The following ZNF211 variants were observed in gnomAD, a reference collection of about 807,000 sequenced individuals.
ZNF211 encodes zinc finger protein C2H2-25.
Under a neutral mutation model 12.1 loss-of-function variants are expected in ZNF211, and 18 were observed. The ratio of observed to expected loss-of-function variants is 1.48; its 90% CI spans 1.03 to 2.20. ZNF211 has a LOEUF of 2.20. Ranked by LOEUF, ZNF211 falls within the 30% of genes most tolerant of loss-of-function variation. ZNF211 has a pLI of 0.00. For synonymous variants in ZNF211, 249 were observed against 246.0 expected (o/e 1.01, Z -0.11); for missense variants, 677 against 703.1 (o/e 0.96, Z 0.42).
rs756569716 is a variant in ZNF211 at position 57,640,785 on chromosome 19, C to T, written c.338C>T (p.Ser113Phe). 1.9e-6 allele frequency: 3 copies of T among 1,614,144 alleles called. No individual in the cohort carries two copies. Among genetic ancestry groups the T allele is most frequent in the Non-Finnish European group, 2.5e-6 (3 of 1,180,012 alleles). Residue 113 changes from serine to phenylalanine, a missense_variant, in exon 4 of 4, where the codon TCC becomes TTC. Ser to Phe is a radical substitution (Grantham distance 155, BLOSUM62 -2). Transcript: ENST00000240731. ...SGERVPQFRT[S>F]KEGSSSQNAD... ...GAAAGAGTGCCACAGTTCAGGACTT[C>T]CAAAGAAGGTTCATCTTCCCAGAAT... is the stretch of plus-strand genomic sequence containing the variant.
Position 57,641,026 on chromosome 19 carries a change from G to A in ZNF211, c.579G>A (p.Val193=). ...TTACACAGAGTTGCATAGTCCATGT[G>A]TCGGAGAAACCCTTTACCTGCAGGG... The part of the protein sequence containing the change: ...ASFTQSCIVH[V]SEKPFTCREI... Residue 193 remains valine, a synonymous_variant, in exon 4 of 4, where the codon GTG becomes GTA. Coordinates refer to ENST00000240731, the MANE Select transcript of ZNF211 (RefSeq NM_006385.5). 1 of 1,614,208 alleles carries A rather than the reference G, an allele frequency of 6.2e-7. No individual in the cohort carries two copies. Among genetic ancestry groups the A allele is most frequent in the Non-Finnish European group, 8.5e-7 (1 of 1,180,046 alleles).
intron 3 of ZNF211, among the ~76,000 whole-genome samples, chr19:57,637,969 G>A (rs1258176997): frequency 4.0e-5 from 6 of 150,696 alleles, no homozygotes; most frequent in African/African-American, 7.3e-5. Flanking sequence ...TGTGATCTTG[G>A]CTCACTGCAA....
Position 57,642,121 on chromosome 19 carries a change from C to A in ZNF211, c.1674C>A (p.Ser558=). 1.2e-6 allele frequency: 2 copies of A among 1,613,950 alleles called. No homozygotes were observed. The highest frequency in any genetic ancestry group is 1.7e-6 in the Non-Finnish European group (2 of 1,179,848). The change falls in exon 4 of 4, where the codon TCC becomes TCA. Residue 558 remains serine (S), a synonymous_variant. Transcript: ENST00000240731. Reference sequence around the variant, plus strand: ...ATCAGTGCAGTCAATGTGGGAAATCCTTTGGCTGCAAATCTGTCCTCATTC... The same window carrying A: ...ATCAGTGCAGTCAATGTGGGAAATCATTTGGCTGCAAATCTGTCCTCATTC... The part of the protein sequence containing the change: ...RPYQCSQCGK[S]FGCKSVLIQH...
chr19:57,634,855 C>T (rs1219072603), intron 3 of ZNF211, 100 bp downstream of exon 3: 1 of 1,344,654 alleles, frequency 7.4e-7, no homozygotes. Context: ...ATAGGCACTG[C>T]CTCCTTCCCC....
At chr19:57,634,183 T>G (rs1981847615) in intron 2 of ZNF211, 122 bp downstream of exon 2, 1 of 1,151,162 alleles carries the variant, frequency 8.7e-7, no homozygotes, top group African/African-American at 1.6e-5. Context: ...GCGTTTGGTT[T>G]GGGAACCCTG....
intron 3 of ZNF211, among the ~76,000 whole-genome samples, chr19:57,638,894 A>G (rs1024331394): frequency 3.9e-5 from 6 of 152,186 alleles, no homozygotes; most frequent in Non-Finnish European, 7.3e-5. Flanking sequence ...TATTAGGTGC[A>G]TAAGTGTTTA....
chr19:57,641,223 A>G lies in ZNF211; in HGVS notation c.776A>G (p.Gln259Arg), dbSNP rs1982874572. The change falls in exon 4 of 4, where the codon CAG (glutamine) becomes CGG (arginine). Residue 259 changes from glutamine to arginine, a missense_variant. Gln to Arg is a conservative substitution (Grantham distance 43, BLOSUM62 1). Transcript: ENST00000240731. ...KAFSHIDTLV[Q>R]DQRILTREGL... The stretch of plus-strand genomic sequence containing the variant: ...TTTAGCCACATAGACACACTTGTTC[A>G]GGACCAGAGAATCCTCACTAGAGAA... The G allele has an allele frequency of 1.2e-6, 2 of 1,614,142 alleles. No homozygotes were observed. Among genetic ancestry groups the G allele is most frequent in the African/African-American group, 1.3e-5 (1 of 74,948 alleles).
At chr19:57,633,619 G>C in intron 1 of ZNF211, 183 bp downstream of exon 1, 1 of 1,532,364 alleles carries the variant, frequency 6.5e-7, no homozygotes. Context: ...TGCAGGGCTT[G>C]GACGGGCAAC....
chr19:57,637,650 A>G (rs1599959614), intron 3 of ZNF211, among the ~76,000 whole-genome samples: 2 of 152,114 alleles, frequency 1.3e-5, no homozygotes, highest in South Asian at 4.1e-4. Context: ...TCAGTTTGCT[A>G]GTGTTTGGTT....
chr19:57,634,736 T>C lies in ZNF211; in HGVS notation c.237T>C (p.Phe79=), dbSNP rs1380759139. Residue 79 remains phenylalanine, a synonymous_variant, in exon 3 of 4, where the codon TTT becomes TTC. Transcript: ENST00000240731. ...HLYFDVMLEN[F]ALTSSLGCWC... ...ACTTCGATGTGATGCTGGAGAACTTTGCACTTACGTCCTCCCTGGGTAAGG... is the reference window on the plus strand; with the variant it reads ...ACTTCGATGTGATGCTGGAGAACTTCGCACTTACGTCCTCCCTGGGTAAGG... 1.2e-6 allele frequency: 2 copies of C among 1,602,186 alleles called. No homozygotes were observed. Among genetic ancestry groups the C allele is most frequent in the Non-Finnish European group, 1.7e-6 (2 of 1,173,424 alleles).
In ZNF211 at chr19:57,641,754, G is replaced by A; in HGVS notation, c.1307G>A (p.Arg436Lys). Reference sequence around the variant, plus strand: ...CACCGGAGACTTCACACTGGAGAAAGACCCTATGAGTGCAGTAAATGTGGG... The same window carrying A: ...CACCGGAGACTTCACACTGGAGAAAAACCCTATGAGTGCAGTAAATGTGGG... ...IHHRRLHTGE[R>K]PYECSKCGKS... Residue 436 changes from arginine (R) to lysine (K), a missense_variant, in exon 4 of 4, where the codon AGA (arginine) becomes AAA (lysine). Coordinates refer to ENST00000240731, the MANE Select transcript of ZNF211 (RefSeq NM_006385.5). The A allele has an allele frequency of 6.2e-7, 1 of 1,614,126 alleles. No homozygotes were observed. Among genetic ancestry groups the A allele is most frequent in the East Asian group, 2.2e-5 (1 of 44,864 alleles).
In ZNF211 at chr19:57,641,473, T is replaced by C. The variant is rs1982930735; in HGVS notation, c.1026T>C (p.Asn342=). The C allele has an allele frequency of 5.0e-6, 8 of 1,610,916 alleles. No individual in the cohort carries two copies. The highest frequency in any genetic ancestry group is 6.8e-6 in the Non-Finnish European group (8 of 1,177,888). Residue 342 remains asparagine, a synonymous_variant, in exon 4 of 4, where the codon AAT becomes AAC. Coordinates refer to ENST00000240731, the MANE Select transcript of ZNF211 (RefSeq NM_006385.5). ...GKSFSQIYSL[N]SHRKVHTGER... ...CGTTTAGTCAGATATACAGCCTCAA[T>C]AGCCATAGGAAAGTTCACACTGGAG...
At chr19:57,640,135 T>C (rs957458751) in intron 3 of ZNF211, 2 of 1,462,658 alleles carry the variant, frequency 1.4e-6, no homozygotes, top group African/African-American at 2.8e-5. Context: ...CCAGAGACAC[T>C]TCACTTCGAC....
Position 57,641,316 on chromosome 19 carries a change from A to C in ZNF211, c.869A>C (p.Lys290Thr). The C allele has an allele frequency of 1.2e-6, 2 of 1,614,200 alleles. No individual in the cohort carries two copies. Among genetic ancestry groups the C allele is most frequent in the Non-Finnish European group, 1.7e-6 (2 of 1,180,038 alleles). Residue 290 changes from lysine to threonine, a missense_variant, in exon 4 of 4, where the codon AAA (lysine) becomes ACA (threonine). Physicochemically the swap from Lys to Thr is moderately conservative, Grantham distance 78 (BLOSUM62 -1). Coordinates refer to ENST00000240731, the MANE Select transcript of ZNF211 (RefSeq NM_006385.5). ...TRRCNLIQHQ[K>T]VHSEERPYEC... is the part of the protein sequence containing the mutation. The stretch of plus-strand genomic sequence containing the variant: ...AGATGTAACCTCATTCAGCACCAGA[A>C]AGTCCACAGTGAAGAAAGGCCTTAT...
Position 57,642,078 on chromosome 19 carries a change from A to G in ZNF211, c.1631A>G (p.His544Arg). The change falls in exon 4 of 4, where the codon CAC (histidine) becomes CGC (arginine). Residue 544 changes from histidine to arginine, a missense_variant. By Grantham distance (29) the His-to-Arg change is conservative. Transcript: ENST00000240731. Reference sequence around the variant, plus strand: ...AGCCTCATTCAACACCGCAGAGTTCACACGGGAAAAAGGCCTTATCAGTGC... The same window carrying G: ...AGCCTCATTCAACACCGCAGAGTTCGCACGGGAAAAAGGCCTTATCAGTGC... ...SSSLIQHRRV[H>R]TGKRPYQCSQ... 5 of 1,614,162 alleles carry G rather than the reference A, an allele frequency of 3.1e-6. No individual in the cohort carries two copies. The highest frequency in any genetic ancestry group is 4.2e-6 in the Non-Finnish European group (5 of 1,179,972).
intron 3 of ZNF211, 57 bp downstream of exon 3, chr19:57,634,812 C>G (rs1260326568): frequency 1.4e-6 from 2 of 1,459,868 alleles, no homozygotes; most frequent in Non-Finnish European, 1.8e-6. Flanking sequence ...TTCTCCTTTT[C>G]CTCAGGAGCA....
At position 57,640,992 on chromosome 19, in the gene ZNF211, C is replaced by G. The variant is rs781327346; in HGVS notation, c.545C>G (p.Thr182Ser). 5 of 1,614,120 alleles carry G rather than the reference C, an allele frequency of 3.1e-6. No homozygotes were observed. The African/African-American group carries it at 6.7e-5, about 22-fold the overall frequency. The change falls in exon 4 of 4, where the codon ACT becomes AGT. Residue 182 changes from threonine (T) to serine (S), a missense_variant. Thr to Ser is a moderately conservative substitution (Grantham distance 58). Coordinates refer to ENST00000240731, the MANE Select transcript of ZNF211 (RefSeq NM_006385.5). ...TEAPFRSYVDTASFTQSCIVH... is the reference protein window; with the variant it reads ...TEAPFRSYVDSASFTQSCIVH... ...GCACCTTTCAGAAGTTATGTGGACA[C>G]TGCCTCGTTTACACAGAGTTGCATA...
Position 57,641,376 on chromosome 19 carries a change from A to G in ZNF211, c.929A>G (p.Tyr310Cys), listed in dbSNP as rs772417331. Residue 310 changes from tyrosine (Y) to cysteine (C), a missense_variant, in exon 4 of 4, where the codon TAC becomes TGC. Physicochemically the swap from Tyr to Cys is radical, Grantham distance 194. Transcript: ENST00000240731. ...CNECGKFFTY[Y>C]SSFIIHQRVH... ...GAATGTGGAAAATTCTTTACCTACT[A>G]CTCCAGTTTCATTATACATCAGAGA... 3.7e-6 allele frequency: 6 copies of G among 1,613,986 alleles called. No individual in the cohort carries two copies. Among genetic ancestry groups the G allele is most frequent in the South Asian group, 2.2e-5 (2 of 91,078 alleles).
At position 57,641,288 on chromosome 19, in the gene ZNF211, C is replaced by T. The variant is rs750339791; in HGVS notation, c.841C>T (p.Arg281Ter). 90 of 1,614,022 alleles carry T rather than the reference C, an allele frequency of 5.6e-5. No homozygotes were observed. The highest frequency in any genetic ancestry group is 8.9e-5 in the East Asian group (4 of 44,898). ...CAGTAAATGTGGGAAAGCATGTACG[C>T]GAAGATGTAACCTCATTCAGCACCA... ...ECSKCGKACT[R>*]RCNLIQHQKV... Residue 281 changes from arginine to a stop codon, truncating the protein, a stop_gained, in exon 4 of 4, where the codon CGA (arginine) becomes TGA (stop). Transcript: ENST00000240731. LOFTEE classifies it low-confidence loss of function (END_TRUNC).
Sources: allele counts gnomAD v4.1 joint callset (sites outside exome capture counted in the v4.1 genomes callset), GRCh38; gene constraint gnomAD v4.1.1; transcripts MANE v1.5; gene names NCBI Gene and HGNC (gene_info 2026-07-23, HGNC 2026-07-21).